AGBL4: variants seen among roughly 807,000 people sequenced by gnomAD.
The protein encoded by AGBL4 is AGBL carboxypeptidase 4, also known as cytosolic carboxypeptidase 6.
A neutral mutation model predicts 66.4 loss-of-function variants in AGBL4; 58 were observed. The observed-to-expected ratio is 0.87, with a 90% CI of 0.71 to 1.09. The LOEUF is 1.09. Ranked by LOEUF, AGBL4 falls within the 50% of genes least tolerant of loss-of-function variation. The pLI is 0.00. For missense variants in AGBL4, 579 were observed against 631.0 expected, an observed-to-expected ratio of 0.92 and a Z score of 0.88; for synonymous variants, 234 against 222.9, an observed-to-expected ratio of 1.05 and a Z score of -0.44.
At chr1:49,146,421 C>G (rs1196958092) in intron 4 of AGBL4, among the ~76,000 whole-genome samples, 1 of 151,512 alleles carries the variant, frequency 6.6e-6, no homozygotes, top group East Asian at 1.9e-4. Context: ...AAAATTAAAA[C>G]CATAAAAAAT....
At chr1:49,946,955 G>A (rs1655264352) in intron 1 of AGBL4, among the ~76,000 whole-genome samples, 2 of 151,876 alleles carry the variant, frequency 1.3e-5, no homozygotes, top group South Asian at 4.1e-4. Flanking sequence ...AGAAAACCTA[G>A]TGGAGATGGA....
intron 1 of AGBL4, among the ~76,000 whole-genome samples, chr1:49,863,301 TACC>T (rs1646620087): frequency 6.6e-6 from 1 of 152,114 alleles, no homozygotes; most frequent in Non-Finnish European, 1.5e-5. Context: ...ATTGGTTAAA[TACC>T]TTAAGACTTC....
In AGBL4 at chr1:49,077,095, C is replaced by CGTGT. The variant is rs3043747; in HGVS notation, c.378-31299_378-31296dup. On this transcript the variant is annotated intron_variant, in intron 4 of 13. Transcript: ENST00000371839. ...TATCGCTTCAGTGAACTTCTGTGTG[C>CGTGT]GTGTGTGTGTGTGTGTGTCTCCCTC... Among the ~76,000 whole-genome samples the CGTGT allele has an allele frequency of 6.0e-3, 910 of 150,542 alleles. 7 individuals are homozygous for CGTGT. Among genetic ancestry groups the CGTGT allele is most frequent in the South Asian group, 8.8e-3 (42 of 4,758 alleles).
chr1:49,897,861 C>T (rs1649378018), intron 1 of AGBL4, among the ~76,000 whole-genome samples: 1 of 151,710 alleles, frequency 6.6e-6, no homozygotes, highest in African/African-American at 2.4e-5. Flanking sequence ...AAAGAACATA[C>T]ATTAGGGAAA....
At chr1:49,336,804 G>T (rs1410711538) in intron 3 of AGBL4, among the ~76,000 whole-genome samples, 1 of 152,100 alleles carries the variant, frequency 6.6e-6, no homozygotes. Flanking sequence ...ATTTGAAAGT[G>T]TTTATCCAGT....
intron 2 of AGBL4, chr1:49,845,525 T>A: frequency 6.3e-7 from 1 of 1,584,920 alleles, no homozygotes; most frequent in Admixed American, 1.7e-5. Context: ...AAGGCCTTGA[T>A]CCATAGCTAG....
intron 6 of AGBL4, among the ~76,000 whole-genome samples, chr1:48,776,032 CT>C (rs908040971): frequency 6.6e-6 from 1 of 152,156 alleles, no homozygotes; most frequent in African/African-American, 2.4e-5. Flanking sequence ...GGTTCATGGC[CT>C]CCTCATCCTG....
intron 11 of AGBL4, among the ~76,000 whole-genome samples, chr1:48,576,532 T>C (rs1470330010): frequency 6.6e-6 from 1 of 152,214 alleles, no homozygotes; most frequent in Non-Finnish European, 1.5e-5. Flanking sequence ...ACCAACCATC[T>C]TTGTTTGCTA....
At chr1:49,045,247 TCTC>T (rs1392813989) in intron 5 of AGBL4, among the ~76,000 whole-genome samples, 1 of 152,160 alleles carries the variant, frequency 6.6e-6, no homozygotes. Flanking sequence ...CTAGCAAAAG[TCTC>T]CTTTTCTCTC....
intron 4 of AGBL4, among the ~76,000 whole-genome samples, chr1:49,077,904 T>C (rs1644740006): frequency 6.6e-6 from 1 of 152,140 alleles, no homozygotes; most frequent in African/African-American, 2.4e-5. Flanking sequence ...ATAATGTTAA[T>C]ATTAACAGTC....
chr1:48,644,726 G>C (rs1191953497), intron 8 of AGBL4, among the ~76,000 whole-genome samples: 1 of 152,172 alleles, frequency 6.6e-6, no homozygotes, highest in Non-Finnish European at 1.5e-5. Context: ...AGTTGGAGAG[G>C]AAGCTGAAAA....
chr1:48,831,584 C>A (rs956161210), intron 6 of AGBL4, among the ~76,000 whole-genome samples: 1 of 152,182 alleles, frequency 6.6e-6, no homozygotes, highest in Non-Finnish European at 1.5e-5. Context: ...CTTCTTGAAG[C>A]AAGGACAATG....
intron 6 of AGBL4, among the ~76,000 whole-genome samples, chr1:48,852,592 G>T (rs1647057906): frequency 6.6e-6 from 1 of 152,126 alleles, no homozygotes; most frequent in Admixed American, 6.5e-5. Flanking sequence ...CTAAATTAGA[G>T]AATTTTGCTT....
chr1:49,335,512 ACTTTTTTTTTT>A lies in AGBL4; in HGVS notation c.283-89659_283-89649del, dbSNP rs917097525. On this transcript the variant is annotated intron_variant, in intron 3 of 13. Transcript: ENST00000371839. Reference sequence around the variant, plus strand: ...CTAACACACGTAGAATAAAATCTGAACTTTTTTTTTTCTTTTTTTTTGAGATGGAGTCTCGC... The same window carrying A: ...CTAACACACGTAGAATAAAATCTGAACTTTTTTTTTGAGATGGAGTCTCGC... 3.6e-3 allele frequency among the ~76,000 whole-genome samples: 547 copies of A among 151,716 alleles called. 3 individuals are homozygous for A. Among genetic ancestry groups the A allele is most frequent in the African/African-American group, 0.012 (479 of 41,362 alleles).
intron 4 of AGBL4, among the ~76,000 whole-genome samples, chr1:49,077,776 G>A (rs1644737936): frequency 6.6e-6 from 1 of 152,042 alleles, no homozygotes; most frequent in South Asian, 2.1e-4. Flanking sequence ...GAAGAGCTAT[G>A]GAAGCAATAA....
chr1:48,915,883 A>C (rs1653542599), intron 5 of AGBL4, among the ~76,000 whole-genome samples: 1 of 152,190 alleles, frequency 6.6e-6, no homozygotes, highest in Admixed American at 6.5e-5. Context: ...AAAGAAATAA[A>C]ATAAAAAAAA....
chr1:49,371,244 G>C (rs369637391), intron 3 of AGBL4, among the ~76,000 whole-genome samples: 182 of 141,944 alleles, frequency 1.3e-3, no homozygotes, highest in Middle Eastern at 3.6e-3. Flanking sequence ...TAGATAGATA[G>C]ATAGATACAT....
intron 2 of AGBL4, among the ~76,000 whole-genome samples, chr1:49,790,057 C>T (rs1229063303): frequency 1.3e-5 from 2 of 152,010 alleles, no homozygotes; most frequent in Admixed American, 6.5e-5. Flanking sequence ...CTTTGACAAA[C>T]CTGACAAAAA....
At chr1:48,649,771 T>A (rs1302574205) in intron 8 of AGBL4, among the ~76,000 whole-genome samples, 1 of 152,218 alleles carries the variant, frequency 6.6e-6, no homozygotes, top group Non-Finnish European at 1.5e-5. Context: ...GCTTCTTTAA[T>A]GTGGAGGAGT....
Sources: gnomAD v4.1 joint callset for allele counts (sites outside exome capture counted in the v4.1 genomes callset) on GRCh38, gnomAD v4.1.1 for gene constraint, MANE v1.5 for transcripts, NCBI Gene and HGNC (gene_info 2026-07-23, HGNC 2026-07-21) for gene names.